SLC24A2: variants seen among roughly 807,000 people sequenced by gnomAD.
SLC24A2 encodes sodium/potassium/calcium exchanger 2.
A neutral mutation model predicts 62.0 loss-of-function variants in SLC24A2; 36 were observed. The observed-to-expected ratio is 0.58, with a 90% CI of 0.44 to 0.77. The LOEUF is 0.77. SLC24A2 is among the 30% of genes least tolerant of loss of function. The probability of loss-of-function intolerance (pLI) is 0.00; values close to 1 mark genes in which losing one functional copy is unlikely to be tolerated. For synonymous variants in SLC24A2, 358 were observed against 294.0 expected (o/e 1.22, Z -2.23); for missense variants, 846 against 817.9 (o/e 1.03, Z -0.42).
At chr9:20,232,183 G>T in the SLC24A2 span, among the ~76,000 whole-genome samples, 1 of 152,046 alleles carries the variant, frequency 6.6e-6, no homozygotes, top group Non-Finnish European at 1.5e-5. Context: ...CAAGGATATT[G>T]GTCTAAAATT....
At chr9:19,889,028 A>G in the SLC24A2 span, among the ~76,000 whole-genome samples, 1 of 152,308 alleles carries the variant, frequency 6.6e-6, no homozygotes, top group Admixed American at 6.5e-5. Flanking sequence ...CTAGAGGAGG[A>G]GAGCCCTGGC....
At chr9:20,042,921 T>C in the SLC24A2 span, among the ~76,000 whole-genome samples, 1 of 152,226 alleles carries the variant, frequency 6.6e-6, no homozygotes, top group Non-Finnish European at 1.5e-5. Context: ...GAAAACTTAA[T>C]TGATAAATGT....
the SLC24A2 span, among the ~76,000 whole-genome samples, chr9:20,201,478 C>T: frequency 6.6e-6 from 1 of 152,124 alleles, no homozygotes; most frequent in Non-Finnish European, 1.5e-5. Context: ...GAGACAGTAA[C>T]AGCTCGACAA....
the SLC24A2 span, among the ~76,000 whole-genome samples, chr9:20,183,710 T>C: frequency 6.6e-6 from 1 of 152,120 alleles, no homozygotes; most frequent in South Asian, 2.1e-4. Context: ...ATGGAATCAT[T>C]TGGGGGATGA....
At chr9:20,164,661 G>A in the SLC24A2 span, among the ~76,000 whole-genome samples, 1 of 151,692 alleles carries the variant, frequency 6.6e-6, no homozygotes, top group Non-Finnish European at 1.5e-5. Flanking sequence ...TATAAATCAT[G>A]CTGCTATAAA....
chr9:20,157,360 C>G, the SLC24A2 span, among the ~76,000 whole-genome samples: 10 of 151,700 alleles, frequency 6.6e-5, no homozygotes, highest in African/African-American at 2.4e-4. Context: ...AAAATTTCTA[C>G]AGAGCTCCAT....
At chr9:19,894,182 G>A in the SLC24A2 span, among the ~76,000 whole-genome samples, 2 of 152,176 alleles carry the variant, frequency 1.3e-5, no homozygotes, top group East Asian at 3.8e-4. Context: ...TGGACTCAGG[G>A]CTATGTGGTC....
chr9:19,748,642 T>C (rs927935892), intron 2 of SLC24A2, among the ~76,000 whole-genome samples: 2 of 151,920 alleles, frequency 1.3e-5, no homozygotes, highest in African/African-American at 4.8e-5. Context: ...CTAGGCAGCC[T>C]AGGCCCAGAT....
chr9:19,941,241 T>TAA, the SLC24A2 span, among the ~76,000 whole-genome samples: 3 of 151,654 alleles, frequency 2.0e-5, no homozygotes, highest in African/African-American at 7.3e-5. Context: ...TAGAGACAAA[T>TAA]AAAAAAAATC....
the SLC24A2 span, among the ~76,000 whole-genome samples, chr9:20,203,263 G>A: frequency 6.6e-6 from 1 of 152,134 alleles, no homozygotes; most frequent in Non-Finnish European, 1.5e-5. Flanking sequence ...CTTTCAGCAT[G>A]AAGCTCCTAT....
At chr9:19,791,115 C>T (rs1823315102), upstream of SLC24A2, among the ~76,000 whole-genome samples, 1 of 152,140 alleles carries the variant, frequency 6.6e-6, no homozygotes, top group South Asian at 2.1e-4. Flanking sequence ...GCAGACTGCC[C>T]AGGGTTTATA....
chr9:19,516,768 C>T (rs957124443), intron 10 of SLC24A2, among the ~76,000 whole-genome samples: 1 of 152,008 alleles, frequency 6.6e-6, no homozygotes, highest in Non-Finnish European at 1.5e-5. Context: ...CCAGGATTTG[C>T]ACAGGGTGAA....
At chr9:20,185,924 A>T in the SLC24A2 span, among the ~76,000 whole-genome samples, 542 of 152,270 alleles carry the variant, frequency 3.6e-3, 6 homozygotes, top group African/African-American at 0.012. Context: ...CTCCAGCTGT[A>T]TGCCAGTCCC....
At position 19,642,671 on chromosome 9, in the gene SLC24A2, C is replaced by CT. The variant is rs71335440; in HGVS notation, c.931-20373dup. On this transcript the variant is annotated intron_variant, in intron 2 of 10. Coordinates refer to ENST00000341998, the MANE Select transcript of SLC24A2 (RefSeq NM_020344.4). ...AGAATGGTTTATATGAGAGCGTATT[C>CT]TTTTTTTTTTTTTTTTTTTTTTTTT... Among the ~76,000 whole-genome samples, 263 of 79,834 alleles carry CT rather than the reference C, an allele frequency of 3.3e-3. 36 individuals are homozygous for CT. The highest frequency in any genetic ancestry group is 6.6e-3 in the African/African-American group (139 of 21,034). The allele number at this position is 79,834 out of a possible 152,430, so 52.4% of individuals were successfully genotyped here.
At chr9:19,795,224 G>A in the SLC24A2 span, among the ~76,000 whole-genome samples, 4 of 152,060 alleles carry the variant, frequency 2.6e-5, no homozygotes, top group Admixed American at 1.3e-4. Context: ...TAGTGGGCTG[G>A]GGAGTATCCC....
intron 2 of SLC24A2, among the ~76,000 whole-genome samples, chr9:19,628,698 C>T (rs955297829): frequency 2.0e-5 from 3 of 152,180 alleles, no homozygotes; most frequent in African/African-American, 7.2e-5. Flanking sequence ...GGTTGCCTTA[C>T]TTCCTTTAAG....
the SLC24A2 span, among the ~76,000 whole-genome samples, chr9:19,960,320 T>C: frequency 6.6e-5 from 10 of 152,346 alleles, no homozygotes; most frequent in East Asian, 1.9e-3. Flanking sequence ...TACTTTTCTT[T>C]CCTTCCCTTC....
At chr9:19,575,053 G>T (rs1267530700) in intron 6 of SLC24A2, among the ~76,000 whole-genome samples, 1 of 152,096 alleles carries the variant, frequency 6.6e-6, no homozygotes, top group Non-Finnish European at 1.5e-5. Flanking sequence ...AAATTGTGGA[G>T]TTTGAAGCAG....
chr9:19,568,476 C>T (rs182862278), intron 7 of SLC24A2, among the ~76,000 whole-genome samples: 62 of 152,336 alleles, frequency 4.1e-4, no homozygotes, highest in Admixed American at 1.4e-3. Flanking sequence ...TTACTCAGTA[C>T]TGCTAATAAT....
Sources: gnomAD v4.1 joint callset for allele counts (sites outside exome capture counted in the v4.1 genomes callset) on GRCh38, gnomAD v4.1.1 for gene constraint, MANE v1.5 for transcripts, NCBI Gene and HGNC (gene_info 2026-07-23, HGNC 2026-07-21) for gene names.